NCAM2: variants seen among roughly 807,000 people sequenced by gnomAD.
The protein encoded by NCAM2 is N-CAM-2.
Under a neutral mutation model 98.1 loss-of-function variants are expected in NCAM2, and 30 were observed. The ratio of observed to expected loss-of-function variants is 0.31; its 90% CI spans 0.23 to 0.41. NCAM2 has a LOEUF of 0.41. NCAM2 is among the 10% of genes least tolerant of loss of function. NCAM2 has a pLI of 1.00. For synonymous variants in NCAM2, 368 were observed against 342.4 expected (o/e 1.07, Z -0.83); for missense variants, 867 against 1,005.8 (o/e 0.86, Z 1.87).
intron 1 of NCAM2, among the ~76,000 whole-genome samples, chr21:21,228,701 A>G (rs1221515517): frequency 6.6e-6 from 1 of 151,414 alleles, no homozygotes; most frequent in East Asian, 1.9e-4. Context: ...TAAAGATAAA[A>G]CTCTTCATAG....
At chr21:21,422,321 G>C (rs578173199) in intron 11 of NCAM2, among the ~76,000 whole-genome samples, 35 of 152,242 alleles carry the variant, frequency 2.3e-4, no homozygotes, top group African/African-American at 8.4e-4. Flanking sequence ...CTGGGAGAGA[G>C]GGGAAGATTG....
rs1990218615 is a variant in NCAM2 at position 21,541,217 on chromosome 21, T to G, written c.*3260T>G. The G allele has an allele frequency of 6.6e-6, 1 of 151,616 alleles. No individual in the cohort carries two copies. The highest frequency in any genetic ancestry group is 2.4e-5 in the African/African-American group (1 of 41,394). The allele number at this position is 151,616 out of a possible 1,614,324, so 9.4% of individuals were successfully genotyped here. A position where few individuals can be genotyped will look rare whatever the true frequency, so the allele number is the denominator to read the frequency against. ...TAAATAATTAAGATGTATCTGTGCCTTTTAATTAGCATGACAGTCTGCTTT... is the reference window on the plus strand; with the variant it reads ...TAAATAATTAAGATGTATCTGTGCCGTTTAATTAGCATGACAGTCTGCTTT... On this transcript the variant is annotated 3_prime_UTR_variant, in exon 18 of 18. Transcript: ENST00000400546.
chr21:21,061,733 T>A (rs1266514079), intron 1 of NCAM2, among the ~76,000 whole-genome samples: 1 of 152,144 alleles, frequency 6.6e-6, no homozygotes, highest in Non-Finnish European at 1.5e-5. Context: ...CACATAGATA[T>A]GTCTTAACAG....
chr21:21,417,034 A>C (rs1022969553), intron 10 of NCAM2, among the ~76,000 whole-genome samples: 3 of 152,140 alleles, frequency 2.0e-5, no homozygotes, highest in Non-Finnish European at 1.5e-5. Flanking sequence ...CAACAAAAAA[A>C]TGAATTGAGC....
intron 1 of NCAM2, among the ~76,000 whole-genome samples, chr21:21,264,990 G>GTATATATACACATATATATATATTATA (rs1203072126): frequency 2.6e-4 from 21 of 81,782 alleles, no homozygotes; most frequent in East Asian, 1.2e-3. Flanking sequence ...TTATATATGT[G>GTATATATACACATATATATATATTATA]TATGTGTATA....
rs145862741 is a variant in NCAM2, at chr21:20,999,971, A to G, written c.55+1353A>G. On this transcript the variant is annotated intron_variant, in intron 1 of 17. Transcript: ENST00000400546. ...TCAGAAATCAGTATGCAAATGTTGG[A>G]TATTCCTATAGTTTGTAAAGTGTCT... is the stretch of plus-strand genomic sequence containing the variant. 6.8e-3 allele frequency among the ~76,000 whole-genome samples: 1,031 copies of G among 152,312 alleles called. 7 individuals are homozygous for G. Among genetic ancestry groups the G allele is most frequent in the African/African-American group, 0.023 (969 of 41,562 alleles).
Position 21,069,915 on chromosome 21 carries a change from G to A in NCAM2, c.55+71297G>A, listed in dbSNP as rs997367001. 3.3e-5 allele frequency among the ~76,000 whole-genome samples: 5 copies of A among 152,110 alleles called. No homozygotes were observed. In the South Asian group the frequency reaches 1.0e-3, roughly 32 times the overall value. ...CATCACCCTTTTTTAATAGTGTCCT[G>A]TACTTTTCTTATCTTTCTATTGTTG... is the stretch of plus-strand genomic sequence containing the variant. On this transcript the variant is annotated intron_variant, in intron 1 of 17. Transcript: ENST00000400546.
intron 1 of NCAM2, among the ~76,000 whole-genome samples, chr21:21,095,876 G>A (rs1025910633): frequency 1.3e-5 from 2 of 151,614 alleles, no homozygotes; most frequent in South Asian, 4.1e-4. Context: ...CCCAGTACCT[G>A]ATGCAGAGGA....
chr21:21,299,757 T>C (rs948981885), intron 5 of NCAM2, among the ~76,000 whole-genome samples: 1 of 151,876 alleles, frequency 6.6e-6, no homozygotes, highest in African/African-American at 2.4e-5. Flanking sequence ...CTCTGTAAAC[T>C]TTTCAACGCT....
At position 21,540,254 on chromosome 21, in the gene NCAM2, C is replaced by CATATATATATACACAT. The variant is rs201756809; in HGVS notation, c.*2321_*2336dup. On this transcript the variant is annotated 3_prime_UTR_variant, in exon 18 of 18. Transcript: ENST00000400546. The stretch of plus-strand genomic sequence containing the variant: ...CTTGTAAAGAAATTGACATATATTT[C>CATATATATATACACAT]ATATATATATACACATATATATATA... 4.2e-5 allele frequency: 6 copies of CATATATATATACACAT among 144,254 alleles called. No individual in the cohort carries two copies. The highest frequency in any genetic ancestry group is 3.6e-4 in the Admixed American group (5 of 13,742). 8.9% of individuals were successfully genotyped at this position (144,254 alleles called of 1,614,324 possible).
chr21:21,186,964 T>C (rs2068660159), intron 1 of NCAM2, among the ~76,000 whole-genome samples: 1 of 152,026 alleles, frequency 6.6e-6, no homozygotes, highest in Admixed American at 6.6e-5. Context: ...GCGCAGTGGC[T>C]TACACCTGTA....
intron 1 of NCAM2, among the ~76,000 whole-genome samples, chr21:21,141,188 G>C (rs562935342): frequency 6.6e-6 from 1 of 152,152 alleles, no homozygotes; most frequent in African/African-American, 2.4e-5. Context: ...CAAGTTTTTC[G>C]CTAGAAATTT....
At chr21:21,265,808 C>G (rs772029776) in intron 1 of NCAM2, among the ~76,000 whole-genome samples, 2 of 152,036 alleles carry the variant, frequency 1.3e-5, no homozygotes, top group Non-Finnish European at 2.9e-5. Flanking sequence ...GTACTACTCA[C>G]TGTGTTCACC....
chr21:21,324,562 G>C (rs75414755), intron 6 of NCAM2, 62 bp downstream of exon 6: 2 of 34 alleles, frequency 0.059, no homozygotes, highest in Non-Finnish European at 0.067. Flanking sequence ...GAACAGTATT[G>C]GGGATCTTAA....
At chr21:21,073,505 C>T (rs2065616647) in intron 1 of NCAM2, among the ~76,000 whole-genome samples, 1 of 152,080 alleles carries the variant, frequency 6.6e-6, no homozygotes, top group African/African-American at 2.4e-5. Context: ...TACATTGCAT[C>T]CTGTGTTATA....
At chr21:21,070,262 A>G (rs2065532235) in intron 1 of NCAM2, among the ~76,000 whole-genome samples, 1 of 131,768 alleles carries the variant, frequency 7.6e-6, no homozygotes, top group Non-Finnish European at 1.6e-5. Context: ...ATATATGTAC[A>G]TAGTGTATAT....
chr21:21,089,337 A>G (rs1408011478), intron 1 of NCAM2, among the ~76,000 whole-genome samples: 1 of 152,166 alleles, frequency 6.6e-6, no homozygotes, highest in Non-Finnish European at 1.5e-5. Context: ...GATGCAATTT[A>G]AAGTATAAGT....
intron 6 of NCAM2, among the ~76,000 whole-genome samples, chr21:21,332,849 A>C (rs180876632): frequency 6.6e-6 from 1 of 152,180 alleles, no homozygotes; most frequent in Non-Finnish European, 1.5e-5. Flanking sequence ...CAGTTGGCTA[A>C]TGTGTGAAAA....
At chr21:21,526,893 A>G (rs1436869891) in intron 16 of NCAM2, among the ~76,000 whole-genome samples, 1 of 152,166 alleles carries the variant, frequency 6.6e-6, no homozygotes, top group Non-Finnish European at 1.5e-5. Flanking sequence ...GTTATTTTCA[A>G]CAAATGGTAC....
Sources: gnomAD v4.1 joint callset for allele counts (sites outside exome capture counted in the v4.1 genomes callset) on GRCh38, gnomAD v4.1.1 for gene constraint, MANE v1.5 for transcripts, NCBI Gene and HGNC (gene_info 2026-07-23, HGNC 2026-07-21) for gene names.